TLK1: variants seen among roughly 807,000 people sequenced by gnomAD.
TLK1 encodes the protein tousled like kinase 1, also known as serine/threonine-protein kinase tousled-like 1.
TLK1 carries 24 observed loss-of-function variants against 105.3 expected under a neutral mutation model. That is an observed-to-expected ratio of 0.23 (90% CI 0.17 to 0.32). TLK1 has a LOEUF of 0.32. Among genes scored for constraint, TLK1 ranks in the 10% least tolerant of loss-of-function variants. The pLI, the probability that TLK1 is intolerant of heterozygous loss-of-function variation, is 1.00. For missense variants in TLK1, 558 were observed against 910.5 expected, an observed-to-expected ratio of 0.61 and a Z score of 4.98; for synonymous variants, 321 against 310.4, an observed-to-expected ratio of 1.03 and a Z score of -0.36.
intron 1 of TLK1, among the ~76,000 whole-genome samples, chr2:171,200,418 C>T (rs138444779): frequency 6.6e-6 from 1 of 152,282 alleles, no homozygotes; most frequent in East Asian, 1.9e-4. Context: ...AGCCATGGTT[C>T]CTTTCTTTGA....
chr2:171,024,508 G>A (rs1685683905), intron 12 of TLK1, among the ~76,000 whole-genome samples: 7 of 152,050 alleles, frequency 4.6e-5, no homozygotes, highest in Admixed American at 6.6e-5. Context: ...CACACCAAAA[G>A]AAAACTTAAG....
chr2:171,085,871 A>G (rs544112528), intron 2 of TLK1, among the ~76,000 whole-genome samples: 1 of 152,260 alleles, frequency 6.6e-6, no homozygotes, highest in East Asian at 1.9e-4. Context: ...AAATGCATGC[A>G]AAGTTAATAG....
intron 2 of TLK1, among the ~76,000 whole-genome samples, chr2:171,090,358 A>T (rs1689173303): frequency 6.6e-6 from 1 of 151,652 alleles, no homozygotes; most frequent in African/African-American, 2.4e-5. Flanking sequence ...TAATTTACTT[A>T]TTAGTTTTAA....
chr2:171,063,790 A>C (rs1687864703), intron 3 of TLK1, among the ~76,000 whole-genome samples: 1 of 152,220 alleles, frequency 6.6e-6, no homozygotes, highest in Non-Finnish European at 1.5e-5. Flanking sequence ...CTTTACTGCA[A>C]GGCTTCTCAG....
At chr2:171,059,338 C>T (rs1269367056) in intron 4 of TLK1, among the ~76,000 whole-genome samples, 1 of 152,154 alleles carries the variant, frequency 6.6e-6, no homozygotes, top group African/African-American at 2.4e-5. Flanking sequence ...AAATTTTGTT[C>T]TGTTAACACC....
intron 11 of TLK1, among the ~76,000 whole-genome samples, chr2:171,031,651 G>A (rs961599298): frequency 3.9e-5 from 6 of 151,930 alleles, no homozygotes; most frequent in South Asian, 2.1e-4. Flanking sequence ...TATTTTAAAC[G>A]TTAACAAATT....
intron 2 of TLK1, among the ~76,000 whole-genome samples, chr2:171,085,313 C>T (rs1162721553): frequency 6.6e-6 from 1 of 151,752 alleles, no homozygotes; most frequent in Non-Finnish European, 1.5e-5. Flanking sequence ...TCACTTGAAT[C>T]TGGGAGGCAG....
chr2:171,158,900 G>A (rs896698856), intron 1 of TLK1, among the ~76,000 whole-genome samples: 1 of 152,226 alleles, frequency 6.6e-6, no homozygotes, highest in African/African-American at 2.4e-5. Flanking sequence ...GTCTGTCAAT[G>A]TATTCCGCAT....
chr2:171,201,960 T>TTATC (rs745754354), intron 1 of TLK1, among the ~76,000 whole-genome samples: 12 of 151,864 alleles, frequency 7.9e-5, no homozygotes, highest in South Asian at 2.1e-4. Flanking sequence ...ATCATATCTA[T>TTATC]TATCTATCTA....
At chr2:171,225,822 A>T (rs950412865) in intron 1 of TLK1, among the ~76,000 whole-genome samples, 3 of 152,198 alleles carry the variant, frequency 2.0e-5, no homozygotes, top group Non-Finnish European at 1.5e-5. Flanking sequence ...TCCCTGACCT[A>T]AACTGAGAAT....
chr2:171,181,237 A>G (rs1173546040), intron 1 of TLK1, among the ~76,000 whole-genome samples: 4 of 152,246 alleles, frequency 2.6e-5, no homozygotes, highest in Non-Finnish European at 2.9e-5. Context: ...TCACAAGTGA[A>G]ACAGTGAAAC....
At chr2:171,035,893 G>C (rs1350303860) in intron 11 of TLK1, among the ~76,000 whole-genome samples, 1 of 152,130 alleles carries the variant, frequency 6.6e-6, no homozygotes, top group Non-Finnish European at 1.5e-5. Context: ...TTCTCTTCTA[G>C]AGTCTCTAGA....
At chr2:171,000,962 C>CT (rs1684337539) in intron 18 of TLK1, among the ~76,000 whole-genome samples, 1 of 152,190 alleles carries the variant, frequency 6.6e-6, no homozygotes, top group Non-Finnish European at 1.5e-5. Context: ...GGAGGGGTGT[C>CT]TTTTAGCTCT....
At chr2:171,083,644 A>T (rs1348582318) in intron 2 of TLK1, among the ~76,000 whole-genome samples, 2 of 152,186 alleles carry the variant, frequency 1.3e-5, no homozygotes, top group Non-Finnish European at 2.9e-5. Context: ...GCCAATTGAT[A>T]TCCTCATGTT....
intron 1 of TLK1, among the ~76,000 whole-genome samples, chr2:171,189,334 G>C (rs1042382216): frequency 6.6e-6 from 1 of 151,952 alleles, no homozygotes; most frequent in Non-Finnish European, 1.5e-5. Flanking sequence ...GCCCTGTTAA[G>C]TTTTTACACT....
chr2:171,184,288 C>A (rs892332340), intron 1 of TLK1, among the ~76,000 whole-genome samples: 1 of 152,158 alleles, frequency 6.6e-6, no homozygotes, highest in African/African-American at 2.4e-5. Context: ...TTTTGACCTA[C>A]TGAACAATAA....
chr2:171,153,516 T>A (rs765177227), intron 1 of TLK1, among the ~76,000 whole-genome samples: 1 of 152,206 alleles, frequency 6.6e-6, no homozygotes, highest in African/African-American at 2.4e-5. Flanking sequence ...GTAGAGGATG[T>A]CCTCCTGTGC....
intron 12 of TLK1, among the ~76,000 whole-genome samples, chr2:171,020,063 GAAA>G (rs35782529): frequency 7.3e-6 from 1 of 136,174 alleles, no homozygotes. Context: ...CTCCGTCTCA[GAAA>G]AAAAAAAAAA....
At chr2:171,160,927 C>T (rs1231631917), upstream of TLK1, 1 of 239,580 alleles carries the variant, frequency 4.2e-6, no homozygotes, top group Non-Finnish European at 7.7e-6. This position sits in a 1 kb window ranked among gnomAD's most constrained non-coding sequence, Gnocchi z 4.4. Context: ...TCACGCGCCG[C>T]CTGTGCAAAC....
Sources: allele counts gnomAD v4.1 joint callset (sites outside exome capture counted in the v4.1 genomes callset), GRCh38; gene constraint gnomAD v4.1.1; non-coding constraint Gnocchi (gnomAD v3.1); transcripts MANE v1.5; gene names NCBI Gene and HGNC (gene_info 2026-07-23, HGNC 2026-07-21).